The following PTPRC variants were observed in gnomAD, a reference collection of about 807,000 sequenced individuals.
PTPRC encodes protein tyrosine phosphatase receptor type C.
In PTPRC, 44 loss-of-function variants were observed where a neutral mutation model predicts 155.9. That is an observed-to-expected ratio of 0.28 (90% CI 0.22 to 0.36). The LOEUF is 0.36. Ranked by LOEUF, PTPRC falls within the 10% of genes least tolerant of loss-of-function variation. The pLI, the probability that PTPRC is intolerant of heterozygous loss-of-function variation, is 1.00. For synonymous variants in PTPRC, 525 were observed against 533.1 expected (o/e 0.98, Z 0.21); for missense variants, 1,401 against 1,564.6 (o/e 0.90, Z 1.76).
chr1:198,686,969 G>C (rs1313589745), intron 2 of PTPRC, among the ~76,000 whole-genome samples: 1 of 151,110 alleles, frequency 6.6e-6, no homozygotes, highest in Non-Finnish European at 1.5e-5. Context: ...TCATGAAGTA[G>C]TTAAATATGT....
Position 198,720,246 on chromosome 1 carries a change from A to G in PTPRC, c.1659+1944A>G, listed in dbSNP as rs996523691. Among the ~76,000 whole-genome samples, 6 of 152,212 alleles carry G rather than the reference A, an allele frequency of 3.9e-5. No homozygotes were observed. The East Asian group carries it at 7.7e-4, about 20-fold the overall frequency. On this transcript the variant is annotated intron_variant, in intron 14 of 32. Coordinates refer to ENST00000442510, the MANE Select transcript of PTPRC (RefSeq NM_002838.5). ...GCGTTGGATGACATCATTCTTATTA[A>G]ATTTGGTATAAAGGTTACACTGATC...
chr1:198,740,127 A>G (rs1654831232), intron 23 of PTPRC, among the ~76,000 whole-genome samples: 1 of 151,924 alleles, frequency 6.6e-6, no homozygotes, highest in Non-Finnish European at 1.5e-5. Context: ...AAAATTTCAA[A>G]TAAACAACAT....
At chr1:198,643,833 A>T (rs1662783211) in intron 2 of PTPRC, among the ~76,000 whole-genome samples, 1 of 151,984 alleles carries the variant, frequency 6.6e-6, no homozygotes, top group Non-Finnish European at 1.5e-5. Flanking sequence ...TGGTTTGAAC[A>T]CTGATGCTAG....
At chr1:198,729,266 G>C (rs1654281998) in intron 17 of PTPRC, 95 bp downstream of exon 17, 1 of 1,365,590 alleles carries the variant, frequency 7.3e-7, no homozygotes. Flanking sequence ...TTTTAAGACA[G>C]AGTCTCATTC....
At chr1:198,735,772 C>CATT (rs1654607950) in intron 23 of PTPRC, among the ~76,000 whole-genome samples, 1 of 151,328 alleles carries the variant, frequency 6.6e-6, no homozygotes, top group Non-Finnish European at 1.5e-5. Flanking sequence ...TATATAATTC[C>CATT]ATTATATGAA....
chr1:198,649,226 T>G (rs771338647), intron 2 of PTPRC, among the ~76,000 whole-genome samples: 1 of 151,990 alleles, frequency 6.6e-6, no homozygotes, highest in Admixed American at 6.6e-5. Context: ...TTCTTAGACT[T>G]AGATTTCCAG....
chr1:198,743,528 C>A (rs1231646333), intron 25 of PTPRC, among the ~76,000 whole-genome samples: 2 of 151,608 alleles, frequency 1.3e-5, no homozygotes, highest in Non-Finnish European at 2.9e-5. Flanking sequence ...TGGATTCAAA[C>A]AAAATAAGCA....
chr1:198,658,639 T>TCTC (rs1303695605), intron 2 of PTPRC, among the ~76,000 whole-genome samples: 1 of 152,116 alleles, frequency 6.6e-6, no homozygotes, highest in Non-Finnish European at 1.5e-5. Context: ...TGTCCTTTCC[T>TCTC]CTCCTCTCAC....
chr1:198,682,988 G>A (rs1287535844), intron 2 of PTPRC, among the ~76,000 whole-genome samples: 1 of 152,104 alleles, frequency 6.6e-6, no homozygotes, highest in African/African-American at 2.4e-5. Flanking sequence ...ACTGGATTTA[G>A]CATTAAATAT....
chr1:198,752,174 G>T, intron 29 of PTPRC, 75 bp from the exon 30 acceptor site: 1 of 1,480,610 alleles, frequency 6.8e-7, no homozygotes, highest in Admixed American at 1.7e-5. Flanking sequence ...GAGAAAGAAA[G>T]GGAGAAAGAG....
At chr1:198,703,963 ATTTG>A (rs1204353541) in intron 7 of PTPRC, 2 of 169,364 alleles carry the variant, frequency 1.2e-5, no homozygotes, top group African/African-American at 4.8e-5. Context: ...ATACTGCTAA[ATTTG>A]TTGACAGAGC....
chr1:198,652,680 C>T (rs1348055999), intron 2 of PTPRC, among the ~76,000 whole-genome samples: 2 of 151,392 alleles, frequency 1.3e-5, no homozygotes, highest in African/African-American at 4.8e-5. Flanking sequence ...TGTGATTCCT[C>T]CTTGCTGAAT....
At chr1:198,681,928 C>T (rs1267443714) in intron 2 of PTPRC, among the ~76,000 whole-genome samples, 1 of 152,174 alleles carries the variant, frequency 6.6e-6, no homozygotes, top group Non-Finnish European at 1.5e-5. Context: ...GTGGTTTTAA[C>T]CCCGAGATAG....
chr1:198,749,870 G>A (rs1655300535), intron 28 of PTPRC, among the ~76,000 whole-genome samples: 1 of 151,756 alleles, frequency 6.6e-6, no homozygotes, highest in African/African-American at 2.4e-5. Flanking sequence ...TACATACTCA[G>A]ATACCCAAAT....
At chr1:198,657,154 A>G (rs538681954) in intron 2 of PTPRC, among the ~76,000 whole-genome samples, 1 of 151,980 alleles carries the variant, frequency 6.6e-6, no homozygotes, top group African/African-American at 2.4e-5. Flanking sequence ...GAAATCCAAA[A>G]TATTCACTTA....
chr1:198,685,174 A>G (rs1571830756), intron 2 of PTPRC, among the ~76,000 whole-genome samples: 2 of 152,148 alleles, frequency 1.3e-5, no homozygotes, highest in South Asian at 4.1e-4. Context: ...AGATTCCAAA[A>G]ATAATATTAA....
chr1:198,672,607 T>C (rs2102297819), intron 2 of PTPRC, among the ~76,000 whole-genome samples: 1 of 152,006 alleles, frequency 6.6e-6, no homozygotes, highest in East Asian at 1.9e-4. Context: ...GTAGCTGGGA[T>C]TACAGGTGCA....
At chr1:198,691,586 T>C (rs181452523) in intron 2 of PTPRC, among the ~76,000 whole-genome samples, 45 of 152,178 alleles carry the variant, frequency 3.0e-4, no homozygotes, top group Admixed American at 3.9e-4. Flanking sequence ...CATTTTCCAT[T>C]TCCTGAAAGG....
At chr1:198,729,392 A>G (rs1395417346) in intron 17 of PTPRC, among the ~76,000 whole-genome samples, 1 of 152,012 alleles carries the variant, frequency 6.6e-6, no homozygotes, top group Non-Finnish European at 1.5e-5. Context: ...ACAGACACAC[A>G]TCACCAGGCC....
Sources: allele counts gnomAD v4.1 joint callset (sites outside exome capture counted in the v4.1 genomes callset), GRCh38; gene constraint gnomAD v4.1.1; transcripts MANE v1.5; gene names NCBI Gene and HGNC (gene_info 2026-07-23, HGNC 2026-07-21).